The following MAPK11 variants were observed in gnomAD, a reference collection of about 807,000 sequenced individuals.
The protein encoded by MAPK11 is mitogen-activated protein kinase 11.
MAPK11 carries 44 observed loss-of-function variants against 52.2 expected under a neutral mutation model. The observed-to-expected ratio is 0.84, with a 90% confidence interval of 0.66 to 1.08. The LOEUF (loss-of-function observed/expected upper bound fraction) is 1.08, where lower values mean the gene tolerates loss of function less well. MAPK11 is among the 50% of genes least tolerant of loss of function. The pLI is 0.00. For synonymous variants in MAPK11, 233 were observed against 206.3 expected, an observed-to-expected ratio of 1.13 and a Z score of -1.11; for missense variants, 436 against 494.7, an observed-to-expected ratio of 0.88 and a Z score of 1.13.
At chr22:50,268,665 C>G (rs953832381) in intron 1 of MAPK11, among the ~76,000 whole-genome samples, 1 of 152,138 alleles carries the variant, frequency 6.6e-6, no homozygotes, top group African/African-American at 2.4e-5. Context: ...CTCAGCCCTG[C>G]TAAAGGAAAG....
intron 1 of MAPK11, among the ~76,000 whole-genome samples, chr22:50,268,695 C>T (rs962957391): frequency 1.3e-5 from 2 of 152,198 alleles, no homozygotes; most frequent in African/African-American, 2.4e-5. Flanking sequence ...CAGCCTGTTC[C>T]CTCTGGCTGA....
chr22:50,264,823 G>C lies in MAPK11; in HGVS notation c.*125C>G. On this transcript the variant is annotated 3_prime_UTR_variant, in exon 12 of 12. Coordinates refer to ENST00000330651, the MANE Select transcript of MAPK11 (RefSeq NM_002751.7). ...CGTGTAGATTCTCCTGAAGGCGAGG[G>C]GTCCTAGGCCAGAAGTCTGTGACCA... 1.6e-6 allele frequency: 1 copy of C among 639,516 alleles called. No individual in the cohort carries two copies. Among genetic ancestry groups the C allele is most frequent in the Non-Finnish European group, 2.7e-6 (1 of 376,360 alleles). The allele number at this position is 639,516 out of a possible 1,614,324, so 39.6% of individuals were successfully genotyped here.
rs1437830894 is a variant in MAPK11 at position 50,267,745 on chromosome 22, G to A, written c.246+75C>T. On this transcript the variant is annotated intron_variant, in intron 2 of 11. Transcript: ENST00000330651. ...CTGTGTCCCCGCCCCCATCGCCAGG[G>A]CTCGCCCGCCTATTGGCTGCGCCGC... is the stretch of plus-strand genomic sequence containing the variant. 7.6e-6 allele frequency: 11 copies of A among 1,448,202 alleles called. No individual in the cohort carries two copies. The Admixed American group carries it at 2.1e-4, about 27-fold the overall frequency. The allele number at this position is 1,448,202 out of a possible 1,614,324, so 89.7% of individuals were successfully genotyped here.
In MAPK11 at chr22:50,264,928, A is replaced by G. The variant is rs371583475; in HGVS notation, c.*20T>C. 1.0e-5 allele frequency: 16 copies of G among 1,601,834 alleles called. No individual in the cohort carries two copies. Among genetic ancestry groups the G allele is most frequent in the African/African-American group, 8.0e-5 (6 of 74,828 alleles). On this transcript the variant is annotated 3_prime_UTR_variant, in exon 12 of 12. Coordinates refer to ENST00000330651, the MANE Select transcript of MAPK11 (RefSeq NM_002751.7). ...GGCCCAAGCCCCTCCACAGGCTCTC[A>G]GGGGCTGCTGGGCAGCACCTCACTG...
chr22:50,266,419 C>G (rs1404133339), intron 8 of MAPK11, 114 bp from the exon 9 acceptor site: 2 of 1,396,440 alleles, frequency 1.4e-6, no homozygotes, highest in Non-Finnish European at 2.0e-6. Flanking sequence ...GGATGGCCAG[C>G]CCAAAGTAGC....
intron 2 of MAPK11, 45 bp from the exon 3 acceptor site, chr22:50,267,672 G>C (rs1302179822): frequency 6.7e-7 from 1 of 1,498,584 alleles, no homozygotes; most frequent in South Asian, 1.3e-5. Flanking sequence ...ACCCCCGGCT[G>C]TCGTTCAGCT....
chr22:50,265,518 A>C lies in MAPK11; in HGVS notation c.842-24T>G, dbSNP rs368151790. On this transcript the variant is annotated intron_variant, in intron 10 of 11. Transcript: ENST00000330651. ...GGCTGCAGGGAAGCCAGTGGTGGGG[A>C]GGGGGGTCAGCTGTACATCCAGGGC... The C allele has an allele frequency of 3.3e-5, 53 of 1,612,788 alleles. No homozygotes were observed. In the African/African-American group the frequency reaches 6.5e-4, roughly 20 times the overall value.
At chr22:50,266,174 C>T in intron 9 of MAPK11, 52 bp downstream of exon 9, 1 of 1,422,854 alleles carries the variant, frequency 7.0e-7, no homozygotes, top group Non-Finnish European at 9.6e-7. Context: ...CCCCAGAGAG[C>T]CTGGGGGCTC....
chr22:50,268,155 C>T (rs2065281730), intron 1 of MAPK11, among the ~76,000 whole-genome samples: 1 of 152,248 alleles, frequency 6.6e-6, no homozygotes, highest in South Asian at 2.1e-4. Context: ...GGGGCTGGAC[C>T]ACCATGCGTG....
rs1319996803 is a variant in MAPK11, at chr22:50,267,605, A to C, written c.269T>G (p.Phe90Cys). The C allele has an allele frequency of 6.5e-7, 1 of 1,543,350 alleles. No individual in the cohort carries two copies. The highest frequency in any genetic ancestry group is 1.2e-5 in the South Asian group (1 of 84,098). The change falls in exon 3 of 12, where the codon TTC becomes TGC. Residue 90 changes from phenylalanine (F) to cysteine (C), a missense_variant. Physicochemically the swap from Phe to Cys is radical, Grantham distance 205. Coordinates refer to ENST00000330651, the MANE Select transcript of MAPK11 (RefSeq NM_002751.7). ...HENVIGLLDV[F>C]TPATSIEDFS... The stretch of plus-strand genomic sequence containing the variant: ...GTCCTCGATGGACGTGGCCGGCGTG[A>C]AGACGTCCAGAAGCCCGATGACCTA...
rs756016192 is a variant in MAPK11 at position 50,265,285 on chromosome 22, G to A, written c.1015+36C>T. 3 of 1,604,598 alleles carry A rather than the reference G, an allele frequency of 1.9e-6. No homozygotes were observed. In the South Asian group the frequency reaches 3.3e-5, roughly 18 times the overall value. ...GCCTCTGGGGAAATGGAGCCCGCAG[G>A]CCCCTGGACCCACCCCCAGCCACTG... On this transcript the variant is annotated intron_variant, in intron 11 of 11. Transcript: ENST00000330651.
rs949230371 is a variant in MAPK11 at position 50,270,144 on chromosome 22, C to A, written c.116+33G>T. On this transcript the variant is annotated intron_variant, in intron 1 of 11. Transcript: ENST00000330651. This position sits in a 1 kb window ranked among gnomAD's most constrained non-coding sequence, Gnocchi z 6.3. ...GACGCGCTCTCCGGCCCGGCCCGGC[C>A]CCCACCCAGCACCCCTTCTGCCCCG... is the stretch of plus-strand genomic sequence containing the variant. 2 of 1,185,038 alleles carry A rather than the reference C, an allele frequency of 1.7e-6. No individual in the cohort carries two copies. Among genetic ancestry groups the A allele is most frequent in the African/African-American group, 1.6e-5 (1 of 61,614 alleles). 73.4% of individuals were successfully genotyped at this position (1,185,038 alleles called of 1,614,324 possible). A position where few individuals can be genotyped will look rare whatever the true frequency, so the allele number is the denominator to read the frequency against.
In MAPK11 at chr22:50,265,399, C is replaced by G; in HGVS notation, c.937G>C (p.Asp313His). The change falls in exon 11 of 12, where the codon GAC becomes CAC. Residue 313 changes from aspartate (D) to histidine (H), a missense_variant. Asp to His is a moderately conservative substitution (Grantham distance 81). Transcript: ENST00000330651. ...LAHAYFSQYH[D>H]PEDEPEAEPY... ...TCGGCCTCTGGCTCATCCTCGGGGT[C>G]GTGGTACTGGCTGAAGTAGGCGTGG... 1 of 1,613,148 alleles carries G rather than the reference C, an allele frequency of 6.2e-7. No homozygotes were observed. Among genetic ancestry groups the G allele is most frequent in the Non-Finnish European group, 8.5e-7 (1 of 1,180,006 alleles).
intron 8 of MAPK11, 81 bp downstream of exon 8, chr22:50,266,459 C>G (rs562595704): frequency 3.5e-6 from 5 of 1,433,588 alleles, no homozygotes; most frequent in Non-Finnish European, 4.7e-6. Context: ...AGGCAAGACC[C>G]GCCAGAAGGG....
chr22:50,264,534 C>T lies in MAPK11; in HGVS notation c.*414G>A, dbSNP rs201619752. 7.6e-5 allele frequency: 13 copies of T among 171,776 alleles called. No homozygotes were observed. The highest frequency in any genetic ancestry group is 1.4e-4 in the South Asian group (1 of 7,080). 10.6% of individuals were successfully genotyped at this position (171,776 alleles called of 1,614,324 possible). ...CTGAGACCTCTCCCTTTGAGTCTCC[C>T]GGGGTCCCGGCCCCAGCGCGTCCTC... On this transcript the variant is annotated 3_prime_UTR_variant, in exon 12 of 12. Coordinates refer to ENST00000330651, the MANE Select transcript of MAPK11 (RefSeq NM_002751.7).
At chr22:50,267,321 G>GCCCCCC in intron 4 of MAPK11, 35 bp from the exon 5 acceptor site, 2 of 982,270 alleles carry the variant, frequency 2.0e-6, no homozygotes, top group Non-Finnish European at 3.0e-6. Flanking sequence ...CGCCGGGCCC[G>GCCCCCC]GCCCGCCCGC....
intron 9 of MAPK11, among the ~76,000 whole-genome samples, 178 bp from the exon 10 acceptor site, chr22:50,265,838 C>T (rs9617128): frequency 0.74 from 111,327 of 151,218 alleles, 41,220 homozygotes; most frequent in Non-Finnish European, 0.77. Flanking sequence ...CTCAGTTGGC[C>T]CCTAATGCCT....
chr22:50,266,716 T>C, intron 7 of MAPK11, 105 bp from the exon 8 acceptor site: 1 of 1,167,124 alleles, frequency 8.6e-7, no homozygotes, highest in Non-Finnish European at 1.3e-6. Flanking sequence ...CCCCCTCCTC[T>C]GCCATACCCA....
chr22:50,267,104 C>T (rs200010798), intron 6 of MAPK11, 23 bp downstream of exon 6: 5 of 1,611,510 alleles, frequency 3.1e-6, no homozygotes, highest in Non-Finnish European at 4.2e-6. Context: ...GCCGCCCTGC[C>T]CACCCCTGCC....
Sources: allele counts gnomAD v4.1 joint callset (sites outside exome capture counted in the v4.1 genomes callset), GRCh38; gene constraint gnomAD v4.1.1; non-coding constraint Gnocchi (gnomAD v3.1); transcripts MANE v1.5; gene names NCBI Gene and HGNC (gene_info 2026-07-23, HGNC 2026-07-21).